DGKI: variants seen among roughly 807,000 people sequenced by gnomAD.
DGKI encodes the protein DAG kinase iota.
In DGKI, 55 loss-of-function variants were observed where a neutral mutation model predicts 147.5. That is an observed-to-expected ratio of 0.37 (90% CI 0.30 to 0.47). The LOEUF (loss-of-function observed/expected upper bound fraction) is 0.47. DGKI is among the 20% of genes least tolerant of loss of function. The probability of loss-of-function intolerance (pLI) is 1.00; values close to 1 mark genes in which losing one functional copy is unlikely to be tolerated. For synonymous variants in DGKI, 469 were observed against 477.1 expected, an observed-to-expected ratio of 0.98 and a Z score of 0.22; for missense variants, 1,007 against 1,323.8, an observed-to-expected ratio of 0.76 and a Z score of 3.71.
intron 1 of DGKI, among the ~76,000 whole-genome samples, chr7:137,816,720 T>C (rs2117018978): frequency 6.6e-6 from 1 of 152,222 alleles, no homozygotes; most frequent in Non-Finnish European, 1.5e-5. Context: ...TGTTTTGTAA[T>C]AGAGAGTGAC....
intron 1 of DGKI, among the ~76,000 whole-genome samples, chr7:137,711,684 CTTTTTTTTTTT>C (rs71177918): frequency 7.5e-5 from 6 of 79,726 alleles, no homozygotes; most frequent in African/African-American, 2.1e-4. Context: ...GGGATACCAA[CTTTTTTTTTTT>C]TTTTTTTTTT....
intron 27 of DGKI, among the ~76,000 whole-genome samples, chr7:137,449,897 G>A (rs979689166): frequency 2.6e-5 from 4 of 151,962 alleles, no homozygotes; most frequent in Non-Finnish European, 5.9e-5. Context: ...GTCCATCAAC[G>A]TACAAATGGA....
rs577117866 is a variant in DGKI at position 137,766,490 on chromosome 7, CAAAG to C, written c.402-76492_402-76489del. Among the ~76,000 whole-genome samples, 3 of 152,122 alleles carry C rather than the reference CAAAG, an allele frequency of 2.0e-5. No individual in the cohort carries two copies. The South Asian group carries it at 6.2e-4, about 32-fold the overall frequency. On this transcript the variant is annotated intron_variant, in intron 1 of 32. Transcript: ENST00000614521. ...ACAAGTTATTACTAACCTATTAGCA[CAAAG>C]AAAGTTACAAATCTCAAAGAGCAAA...
intron 20 of DGKI, among the ~76,000 whole-genome samples, chr7:137,534,427 C>T (rs1001295959): frequency 6.6e-6 from 1 of 151,838 alleles, no homozygotes; most frequent in South Asian, 2.1e-4. Flanking sequence ...TTTTCCTTCC[C>T]GTTTATAGTC....
At chr7:137,692,409 G>T (rs1033396352) in intron 1 of DGKI, among the ~76,000 whole-genome samples, 2 of 152,046 alleles carry the variant, frequency 1.3e-5, no homozygotes, top group Non-Finnish European at 2.9e-5. Flanking sequence ...TCTAAATCTT[G>T]GTTTAATGAG....
chr7:137,690,071 A>G, intron 1 of DGKI, 69 bp from the exon 2 acceptor site: 3 of 1,211,270 alleles, frequency 2.5e-6, no homozygotes, highest in African/African-American at 3.1e-5. Flanking sequence ...ACAGAGCTCA[A>G]AATTTCCCAT....
rs1811355676 is a variant in DGKI, at chr7:137,391,310, C to T, written c.3084G>A (p.Gln1028=). ...SKGKTPQERA[Q]QAGDPDLAAY... The stretch of plus-strand genomic sequence containing the variant: ...CAGCCAAGTCTGGGTCCCCAGCCTG[C>T]TGTGCTCTTTCTTGAGGTGTCTTAC... The change falls in exon 33 of 33, where the codon CAG becomes CAA. Residue 1028 remains glutamine (Q), a synonymous_variant. Coordinates refer to ENST00000614521, the MANE Select transcript of DGKI (RefSeq NM_001321708.2). The T allele has an allele frequency of 6.2e-7, 1 of 1,611,032 alleles. No individual in the cohort carries two copies. Among genetic ancestry groups the T allele is most frequent in the Admixed American group, 1.7e-5 (1 of 59,594 alleles).
intron 1 of DGKI, among the ~76,000 whole-genome samples, chr7:137,829,853 T>G (rs1015330381): frequency 6.6e-6 from 1 of 152,062 alleles, no homozygotes; most frequent in Admixed American, 6.5e-5. Flanking sequence ...TTTGGAAGAG[T>G]TGGTCACAGG....
At chr7:137,541,143 T>G (rs1208076990) in intron 20 of DGKI, among the ~76,000 whole-genome samples, 1 of 152,176 alleles carries the variant, frequency 6.6e-6, no homozygotes, top group Non-Finnish European at 1.5e-5. Context: ...AGAGTTACTA[T>G]AAAGGTACAA....
intron 3 of DGKI, among the ~76,000 whole-genome samples, chr7:137,668,770 G>A (rs746098533): frequency 7.9e-5 from 12 of 152,168 alleles, no homozygotes; most frequent in Non-Finnish European, 1.3e-4. Context: ...CTGACTGTCA[G>A]CTAGGCTAGT....
intron 1 of DGKI, among the ~76,000 whole-genome samples, chr7:137,736,135 T>C (rs563270910): frequency 4.3e-4 from 66 of 152,282 alleles, no homozygotes; most frequent in African/African-American, 1.4e-3. Flanking sequence ...CAGTTCATTC[T>C]AATTTCTCCT....
At chr7:137,487,763 G>A (rs529970041) in intron 21 of DGKI, 74 bp from the exon 22 acceptor site, 309 of 1,383,840 alleles carry the variant, frequency 2.2e-4, no homozygotes, top group Non-Finnish European at 3.0e-4. Context: ...TGTGTTTCTC[G>A]TGGTTAAAAA....
Position 137,691,764 on chromosome 7 carries a change from T to C in DGKI, c.402-1762A>G, listed in dbSNP as rs1823610477. On this transcript the variant is annotated intron_variant, in intron 1 of 32. Transcript: ENST00000614521. ...GCAACCATTAATCAATTACCAAGTA[T>C]GTCAGAGAGCTCAGCAAGTGTCTAG... is the stretch of plus-strand genomic sequence containing the variant. Among the ~76,000 whole-genome samples, 9 of 148,060 alleles carry C rather than the reference T, an allele frequency of 6.1e-5. No individual in the cohort carries two copies. In the South Asian group the frequency reaches 1.5e-3, roughly 25 times the overall value.
At chr7:137,685,374 G>C (rs562961605) in intron 2 of DGKI, among the ~76,000 whole-genome samples, 2 of 152,260 alleles carry the variant, frequency 1.3e-5, no homozygotes, top group East Asian at 3.9e-4. Context: ...CAGTGTAATG[G>C]GCAAAAACAA....
At chr7:137,826,787 C>T (rs770401307) in intron 1 of DGKI, among the ~76,000 whole-genome samples, 7 of 152,088 alleles carry the variant, frequency 4.6e-5, no homozygotes, top group Non-Finnish European at 7.4e-5. Flanking sequence ...AGAGGCAAGC[C>T]ACGTTCCAGA....
At chr7:137,446,963 A>G (rs1369760452) in intron 27 of DGKI, among the ~76,000 whole-genome samples, 2 of 152,166 alleles carry the variant, frequency 1.3e-5, no homozygotes, top group African/African-American at 4.8e-5. Context: ...TCCTCCATGT[A>G]TACTTTATCT....
At chr7:137,398,627 T>C (rs1014222351) in intron 30 of DGKI, among the ~76,000 whole-genome samples, 5 of 152,110 alleles carry the variant, frequency 3.3e-5, no homozygotes, top group Admixed American at 6.5e-5. Flanking sequence ...ACTCTTACCA[T>C]GAAAGTCATT....
At chr7:137,414,168 C>T (rs993828944) in intron 28 of DGKI, among the ~76,000 whole-genome samples, 2 of 152,086 alleles carry the variant, frequency 1.3e-5, no homozygotes, top group Non-Finnish European at 2.9e-5. Context: ...ATGTATGAGT[C>T]CTGGGTGAGC....
intron 1 of DGKI, among the ~76,000 whole-genome samples, chr7:137,805,963 C>T (rs897876925): frequency 6.6e-5 from 10 of 152,220 alleles, no homozygotes; most frequent in African/African-American, 2.2e-4. Flanking sequence ...ATTTCTTTGA[C>T]GCTAAATAAT....
Sources: gnomAD v4.1 joint callset for allele counts (sites outside exome capture counted in the v4.1 genomes callset) on GRCh38, gnomAD v4.1.1 for gene constraint, MANE v1.5 for transcripts, NCBI Gene and HGNC (gene_info 2026-07-23, HGNC 2026-07-21) for gene names.